CD22: variants seen among roughly 807,000 people sequenced by gnomAD.
CD22 encodes the protein B-cell receptor CD22.
In CD22, 51 loss-of-function variants were observed where a neutral mutation model predicts 94.7. The ratio of observed to expected loss-of-function variants is 0.54; its 90% CI spans 0.43 to 0.68. CD22 has a LOEUF of 0.68. CD22 is among the 30% of genes least tolerant of loss of function. The pLI, the probability that CD22 is intolerant of heterozygous loss-of-function variation, is 0.00. For synonymous variants in CD22, 424 were observed against 422.5 expected, an observed-to-expected ratio of 1.00 and a Z score of -0.04; for missense variants, 931 against 1,060.4, an observed-to-expected ratio of 0.88 and a Z score of 1.69.
Position 35,342,060 on chromosome 19 carries a change from TTC to T in CD22, c.2035+101_2035+102del, listed in dbSNP as rs1220128157. On this transcript the variant is annotated intron_variant, in intron 9 of 13. Coordinates refer to ENST00000085219, the MANE Select transcript of CD22 (RefSeq NM_001771.4). ...TTCCTTCCTTCCTTCCTTCCTTTCT[TTC>T]TCTCTTTCTTTTCCTCCTCCTCTTC... The T allele has an allele frequency of 1.4e-4, 152 of 1,104,556 alleles. 2 individuals are homozygous for T. Among genetic ancestry groups the T allele is most frequent in the African/African-American group, 1.1e-3 (64 of 60,766 alleles). 68.4% of individuals were successfully genotyped at this position (1,104,556 alleles called of 1,614,324 possible). A position where few individuals can be genotyped will look rare whatever the true frequency, so the allele number is the denominator to read the frequency against.
intron 9 of CD22, among the ~76,000 whole-genome samples, chr19:35,343,718 G>A (rs6510478): frequency 0.82 from 124,833 of 152,004 alleles, 51,989 homozygotes; most frequent in African/African-American, 0.95. Context: ...CCTCATAGCA[G>A]GATCTCATCT....
At position 35,346,655 on chromosome 19, in the gene CD22, T is replaced by C. The variant is rs370476395; in HGVS notation, c.2502T>C (p.Pro834=). Residue 834 remains proline, a synonymous_variant, in exon 14 of 14, where the codon CCT becomes CCC. Transcript: ENST00000085219. ...TCCAGTTTGGGGTCGGGGAGCGGCC[T>C]CAGGCACAAGAAAATGTGGACTATG... ...ELIQFGVGER[P]QAQENVDYVI... is the part of the protein sequence containing the mutation. The C allele has an allele frequency of 1.5e-5, 24 of 1,609,186 alleles. No homozygotes were observed. The highest frequency in any genetic ancestry group is 2.2e-5 in the South Asian group (2 of 90,046).
At chr19:35,343,284 T>C (rs559629285) in intron 9 of CD22, among the ~76,000 whole-genome samples, 1 of 152,140 alleles carries the variant, frequency 6.6e-6, no homozygotes, top group Admixed American at 6.5e-5. Flanking sequence ...AAAAATAAAA[T>C]GTAAGCATGA....
rs2066799908 is a variant in CD22, at chr19:35,341,024, C to T, written c.1393C>T (p.Pro465Ser). 3.1e-6 allele frequency: 5 copies of T among 1,614,072 alleles called. No individual in the cohort carries two copies. The highest frequency in any genetic ancestry group is 4.2e-6 in the Non-Finnish European group (5 of 1,180,040). Residue 465 changes from proline to serine, a missense_variant, in exon 7 of 14, where the codon CCA (proline) becomes TCA (serine). Pro to Ser is a moderately conservative substitution (Grantham distance 74). Coordinates refer to ENST00000085219, the MANE Select transcript of CD22 (RefSeq NM_001771.4). The surrounding 1 kb of genome is among the most constrained non-coding windows in gnomAD (Gnocchi z 4.0). ...GAAACCCCATGGCGCCTGGGAGGAG[C>T]CATCGCTTGGGGTGCTGAAGATCCA... ...EWKPHGAWEE[P>S]SLGVLKIQNV...
At position 35,344,834 on chromosome 19, in the gene CD22, C is replaced by T; in HGVS notation, c.2041C>T (p.Pro681Ser). ...TCTCTCCTTTCTCCACCCAGATAGC[C>T]CGGAGACCATCGGCAGGCGAGTGGC... Reference protein sequence around the residue: ...PLSTLTVYYSPETIGRRVAVG... With the variant: ...PLSTLTVYYSSETIGRRVAVG... Residue 681 changes from proline (P) to serine (S), a missense_variant, in exon 10 of 14, where the codon CCG becomes TCG. Transcript: ENST00000085219. 1 of 1,610,620 alleles carries T rather than the reference C, an allele frequency of 6.2e-7. No homozygotes were observed. The highest frequency in any genetic ancestry group is 2.2e-5 in the East Asian group (1 of 44,808).
At chr19:35,335,582 G>A (rs1020221578) in intron 3 of CD22, among the ~76,000 whole-genome samples, 1 of 147,468 alleles carries the variant, frequency 6.8e-6, no homozygotes, top group Non-Finnish European at 1.5e-5. Flanking sequence ...GCCGGGTGTG[G>A]TGGCTTACAC....
chr19:35,330,366 C>T (rs527632018), intron 1 of CD22, among the ~76,000 whole-genome samples: 11 of 152,196 alleles, frequency 7.2e-5, no homozygotes, highest in African/African-American at 2.6e-4. Flanking sequence ...TCTTACTTAA[C>T]TCTTTTACCC....
chr19:35,333,093 C>T (rs2066668598), intron 3 of CD22, 169 bp downstream of exon 3: 5 of 623,800 alleles, frequency 8.0e-6, no homozygotes, highest in Non-Finnish European at 1.3e-5. Flanking sequence ...AGCTGCGGGA[C>T]CTCGGATGTC....
At chr19:35,332,301 G>T (rs2066656845) in intron 2 of CD22, 1 of 646,006 alleles carries the variant, frequency 1.5e-6, no homozygotes, top group East Asian at 2.8e-5. Context: ...TATCTTCAGA[G>T]GGAATTCTTT....
Position 35,337,470 on chromosome 19 carries a change from A to G in CD22, c.719-285A>G, listed in dbSNP as rs1811351506. 6.6e-6 allele frequency among the ~76,000 whole-genome samples: 1 copy of G among 152,054 alleles called. No homozygotes were observed. The highest frequency in any genetic ancestry group is 2.1e-4 in the South Asian group (1 of 4,828). On this transcript the variant is annotated intron_variant, in intron 4 of 13. Transcript: ENST00000085219. The surrounding 1 kb of genome is among the most constrained non-coding windows in gnomAD (Gnocchi z 4.4). ...GCAGGACTCTGGATCCCGAGGGCTG[A>G]GGTGAGGGTTTGGGATTCTATGCAA...
intron 3 of CD22, among the ~76,000 whole-genome samples, chr19:35,335,593 C>A (rs545919334): frequency 6.6e-6 from 1 of 151,592 alleles, no homozygotes; most frequent in Non-Finnish European, 1.5e-5. Flanking sequence ...TGGCTTACAC[C>A]TGTAATCCCA....
At position 35,337,670 on chromosome 19, in the gene CD22, C is replaced by T. The variant is rs1436238249; in HGVS notation, c.719-85C>T. ...GGGTGAAGGGACTGGCAGGCCATGG[C>T]TTTGTCAGAATAAAAGCACTTTCCA... On this transcript the variant is annotated intron_variant, in intron 4 of 13. Coordinates refer to ENST00000085219, the MANE Select transcript of CD22 (RefSeq NM_001771.4). This position sits in a 1 kb window ranked among gnomAD's most constrained non-coding sequence, Gnocchi z 4.4. 1.6e-6 allele frequency: 2 copies of T among 1,243,516 alleles called. No individual in the cohort carries two copies. Among genetic ancestry groups the T allele is most frequent in the Non-Finnish European group, 2.2e-6 (2 of 896,748 alleles). 77.0% of individuals were successfully genotyped at this position (1,243,516 alleles called of 1,614,324 possible).
At position 35,346,769 on chromosome 19, in the gene CD22, C is replaced by G. The variant is rs550161148; in HGVS notation, c.*72C>G. 66 of 1,427,522 alleles carry G rather than the reference C, an allele frequency of 4.6e-5. No individual in the cohort carries two copies. Among genetic ancestry groups the G allele is most frequent in the Non-Finnish European group, 6.3e-5 (66 of 1,054,074 alleles). 88.4% of individuals were successfully genotyped at this position (1,427,522 alleles called of 1,614,324 possible). ...GAAGTCCCCGAGTTTCCCCAGACAC[C>G]GCCACATGGCTTCCTCCTGCGCGCA... is the stretch of plus-strand genomic sequence containing the variant. On this transcript the variant is annotated 3_prime_UTR_variant, in exon 14 of 14. Transcript: ENST00000085219.
rs1388950081 is a variant in CD22, at chr19:35,345,616, C to A, written c.2223C>A (p.Pro741=). ...CTCCCTCCCAGGTTAGAAGGGCCCC[C>A]CTCTCTGAAGGCCCCCACTCCCTGG... The part of the protein sequence containing the change: ...FVRNKKVRRA[P]LSEGPHSLGC... Residue 741 remains proline, a synonymous_variant, in exon 12 of 14, where the codon CCC becomes CCA. Coordinates refer to ENST00000085219, the MANE Select transcript of CD22 (RefSeq NM_001771.4). The A allele has an allele frequency of 1.2e-6, 2 of 1,609,124 alleles. No homozygotes were observed. Among genetic ancestry groups the A allele is most frequent in the South Asian group, 2.2e-5 (2 of 90,998 alleles).
chr19:35,344,158 T>C (rs1332052104), intron 9 of CD22, among the ~76,000 whole-genome samples: 1 of 144,884 alleles, frequency 6.9e-6, no homozygotes, highest in East Asian at 2.1e-4. Context: ...ATCTCACCAC[T>C]GCACTCCAGC....
Position 35,346,187 on chromosome 19 carries a change from G to A in CD22, c.2364G>A (p.Pro788=), listed in dbSNP as rs530650512. 84 of 1,613,868 alleles carry A rather than the reference G, an allele frequency of 5.2e-5. No individual in the cohort carries two copies. The highest frequency in any genetic ancestry group is 1.8e-4 in the Admixed American group (11 of 60,004). ...CCTCAGAGATGCAGAGACCTCCCCC[G>A]GACTGCGATGACACGGTCACTTATT... The part of the protein sequence containing the change: ...AESSEMQRPP[P]DCDDTVTYSA... The change falls in exon 13 of 14, where the codon CCG becomes CCA. Residue 788 remains proline (P), a synonymous_variant. Coordinates refer to ENST00000085219, the MANE Select transcript of CD22 (RefSeq NM_001771.4).
In CD22 at chr19:35,337,647, G is replaced by A; in HGVS notation, c.719-108G>A. 1 of 976,284 alleles carries A rather than the reference G, an allele frequency of 1.0e-6. No homozygotes were observed. The highest frequency in any genetic ancestry group is 1.5e-6 in the Non-Finnish European group (1 of 669,576). The allele number at this position is 976,284 out of a possible 1,614,324, so 60.5% of individuals were successfully genotyped here. ...TTAGGAGGCTGTGACCATCACCTGG[G>A]TGAAGGGACTGGCAGGCCATGGCTT... On this transcript the variant is annotated intron_variant, in intron 4 of 13. Transcript: ENST00000085219. The surrounding 1 kb of genome is among the most constrained non-coding windows in gnomAD (Gnocchi z 4.4).
chr19:35,341,088 C>T lies in CD22; in HGVS notation c.1457C>T (p.Ala486Val), dbSNP rs762440332. The T allele has an allele frequency of 1.2e-6, 2 of 1,614,070 alleles. No individual in the cohort carries two copies. Among genetic ancestry groups the T allele is most frequent in the African/African-American group, 2.7e-5 (2 of 74,924 alleles). The change falls in exon 7 of 14, where the codon GCT becomes GTT. Residue 486 changes from alanine (A) to valine (V), a missense_variant. Transcript: ENST00000085219. This position sits in a 1 kb window ranked among gnomAD's most constrained non-coding sequence, Gnocchi z 4.0. The part of the protein sequence containing the change: ...GWDNTTIACA[A>V]CNSWCSWASP... ...GACAACACAACCATCGCCTGCGCAG[C>T]TTGTAATAGTTGGTGCTCGTGGGCC...
intron 4 of CD22, chr19:35,336,600 G>A: frequency 2.0e-6 from 1 of 488,220 alleles, no homozygotes; most frequent in South Asian, 2.8e-5. Context: ...CTCTTGGTGG[G>A]GATTTTTTTC....
Sources: gnomAD v4.1 joint callset for allele counts (sites outside exome capture counted in the v4.1 genomes callset) on GRCh38, gnomAD v4.1.1 for gene constraint, Gnocchi (gnomAD v3.1) non-coding constraint, MANE v1.5 for transcripts, NCBI Gene and HGNC (gene_info 2026-07-23, HGNC 2026-07-21) for gene names.